Variants in P3H2 observed in about 807,000 individuals in gnomAD.
The protein encoded by P3H2 is prolyl 3-hydroxylase 2, also known as leprecan-like 1.
In P3H2, 80 loss-of-function variants were observed where a neutral mutation model predicts 87.0. That is an observed-to-expected ratio of 0.92 (90% confidence interval 0.77 to 1.11). The LOEUF (loss-of-function observed/expected upper bound fraction) is 1.11. Ranked by LOEUF, P3H2 falls within the 50% of genes least tolerant of loss-of-function variation. The pLI is 0.00. For synonymous variants in P3H2, 367 were observed against 359.3 expected (o/e 1.02, Z -0.24); for missense variants, 1,001 against 923.9 (o/e 1.08, Z -1.08).
At chr3:190,093,317 T>C (rs1727474216) in intron 1 of P3H2, among the ~76,000 whole-genome samples, 1 of 152,102 alleles carries the variant, frequency 6.6e-6, no homozygotes, top group South Asian at 2.1e-4. Context: ...AAAAGAATGA[T>C]CATCAATCCT....
rs1221458426 is a variant in P3H2, at chr3:190,120,567, G to A, written c.165C>T (p.Tyr55=). Reference sequence around the variant, plus strand: ...CCGCTCGCTCGTAGTCTCCGCTGTAGTAGGCGGCCGCGCCGCTGGCGTAGA... The same window carrying A: ...CCGCTCGCTCGTAGTCTCCGCTGTAATAGGCGGCCGCGCCGCTGGCGTAGA... ...DLLYASGAAA[Y]YSGDYERAVR... Residue 55 remains tyrosine (Y), a synonymous_variant, in exon 1 of 15, where the codon TAC becomes TAT. Transcript: ENST00000319332. 1.9e-6 allele frequency: 3 copies of A among 1,539,360 alleles called. No individual in the cohort carries two copies. The highest frequency in any genetic ancestry group is 5.1e-5 in the East Asian group (2 of 39,328).
intron 1 of P3H2, among the ~76,000 whole-genome samples, chr3:189,998,026 G>T (rs975046393): frequency 1.3e-5 from 2 of 152,150 alleles, no homozygotes; most frequent in Admixed American, 1.3e-4. Flanking sequence ...GATTTTGGAA[G>T]GATTCAACTG....
chr3:189,962,086 G>C (rs758186636), intron 14 of P3H2, among the ~76,000 whole-genome samples: 5 of 151,276 alleles, frequency 3.3e-5, no homozygotes, highest in Non-Finnish European at 7.4e-5. Flanking sequence ...GCAATTGTTT[G>C]CTGCTCCCTT....
At chr3:190,083,223 A>G (rs1375685576) in intron 1 of P3H2, among the ~76,000 whole-genome samples, 2 of 152,200 alleles carry the variant, frequency 1.3e-5, no homozygotes, top group Admixed American at 1.3e-4. Context: ...AATGCAAAAC[A>G]TCTTATTTTA....
At chr3:190,093,533 T>C (rs1727481395) in intron 1 of P3H2, among the ~76,000 whole-genome samples, 1 of 152,188 alleles carries the variant, frequency 6.6e-6, no homozygotes, top group African/African-American at 2.4e-5. Flanking sequence ...CTCACGGTTG[T>C]TGAACTCACA....
In P3H2 at chr3:190,120,831, G is replaced by T. The variant is rs1469139256; in HGVS notation, c.-100C>A. 6.9e-7 allele frequency: 1 copy of T among 1,448,888 alleles called. No homozygotes were observed. Among genetic ancestry groups the T allele is most frequent in the East Asian group, 2.8e-5 (1 of 35,472 alleles). 89.8% of individuals were successfully genotyped at this position (1,448,888 alleles called of 1,614,324 possible). A position where few individuals can be genotyped will look rare whatever the true frequency, so the allele number is the denominator to read the frequency against. ...CCACCTTCCCTCGGGGAAGCGCGCCGACTCCGCCGCGATCTGGCCGCTCCG... is the reference window on the plus strand; with the variant it reads ...CCACCTTCCCTCGGGGAAGCGCGCCTACTCCGCCGCGATCTGGCCGCTCCG... On this transcript the variant is annotated 5_prime_UTR_variant, in exon 1 of 15. Coordinates refer to ENST00000319332, the MANE Select transcript of P3H2 (RefSeq NM_018192.4).
intron 1 of P3H2, among the ~76,000 whole-genome samples, chr3:190,023,884 G>A (rs1725007243): frequency 1.3e-5 from 2 of 152,130 alleles, no homozygotes; most frequent in Non-Finnish European, 2.9e-5. Flanking sequence ...GTATTACAAA[G>A]GCAACATGAT....
intron 1 of P3H2, among the ~76,000 whole-genome samples, chr3:190,092,145 A>G (rs1289441399): frequency 6.6e-6 from 1 of 151,844 alleles, no homozygotes; most frequent in East Asian, 1.9e-4. Context: ...AGGTAGGAGA[A>G]TGGCTTGATC....
At chr3:190,059,355 G>C (rs938912940) in intron 1 of P3H2, among the ~76,000 whole-genome samples, 6 of 151,990 alleles carry the variant, frequency 3.9e-5, no homozygotes, top group Non-Finnish European at 8.8e-5. Flanking sequence ...TCATGAGTAA[G>C]AGACTCCCAG....
chr3:190,072,890 C>T (rs1292234429), intron 1 of P3H2, among the ~76,000 whole-genome samples: 1 of 152,136 alleles, frequency 6.6e-6, no homozygotes, highest in Non-Finnish European at 1.5e-5. Flanking sequence ...GTTATCTATA[C>T]TTTGCTTCTC....
intron 1 of P3H2, among the ~76,000 whole-genome samples, chr3:190,004,618 G>A (rs1484733286): frequency 1.3e-5 from 2 of 151,978 alleles, no homozygotes; most frequent in African/African-American, 2.4e-5. Context: ...TCCTGACCTT[G>A]TGATCCGCCC....
intron 1 of P3H2, among the ~76,000 whole-genome samples, chr3:190,054,215 A>T (rs976768422): frequency 6.6e-6 from 1 of 152,196 alleles, no homozygotes; most frequent in African/African-American, 2.4e-5. Context: ...ATCATCATTA[A>T]TCAGTTTAGG....
upstream of P3H2, chr3:190,121,056 G>A (rs915153236): frequency 4.0e-5 from 14 of 352,014 alleles, no homozygotes; most frequent in Middle Eastern, 7.3e-4. Flanking sequence ...AGCTAGCGCC[G>A]CTTGAGGCCG....
intron 14 of P3H2, among the ~76,000 whole-genome samples, chr3:189,958,328 C>A (rs898091187): frequency 6.6e-6 from 1 of 152,192 alleles, no homozygotes; most frequent in Non-Finnish European, 1.5e-5. Flanking sequence ...TCCCCAAGAA[C>A]CTGCTCTGTT....
At position 189,971,042 on chromosome 3, in the gene P3H2, A is replaced by T. The variant is rs575187180; in HGVS notation, c.1818-151T>A. 3 of 609,436 alleles carry T rather than the reference A, an allele frequency of 4.9e-6. No individual in the cohort carries two copies. The South Asian group carries it at 6.5e-5, about 13-fold the overall frequency. The allele number at this position is 609,436 out of a possible 1,614,324, so 37.8% of individuals were successfully genotyped here. ...ATATAATTGGTCCTCCAAACTCTTA[A>T]AGAGAAGATCAGATAGAGTTTGAGT... On this transcript the variant is annotated intron_variant, in intron 12 of 14. Coordinates refer to ENST00000319332, the MANE Select transcript of P3H2 (RefSeq NM_018192.4).
chr3:190,100,750 C>T (rs1205155708), intron 1 of P3H2, among the ~76,000 whole-genome samples: 1 of 152,116 alleles, frequency 6.6e-6, no homozygotes, highest in Non-Finnish European at 1.5e-5. Flanking sequence ...TCTGTCTTTA[C>T]AAAACTATGA....
intron 14 of P3H2, among the ~76,000 whole-genome samples, chr3:189,961,820 A>G (rs955620271): frequency 5.3e-5 from 8 of 152,346 alleles, no homozygotes; most frequent in Middle Eastern, 3.4e-3. Flanking sequence ...ATTACAAAGG[A>G]GCAAAGAGAA....
At chr3:189,966,226 G>T (rs1463946080) in intron 13 of P3H2, among the ~76,000 whole-genome samples, 4 of 152,076 alleles carry the variant, frequency 2.6e-5, no homozygotes, top group Admixed American at 1.3e-4. Flanking sequence ...TGGGATGTTG[G>T]AATTTCAGGT....
intron 1 of P3H2, among the ~76,000 whole-genome samples, chr3:190,076,638 A>G (rs951587398): frequency 6.6e-6 from 1 of 152,212 alleles, no homozygotes; most frequent in African/African-American, 2.4e-5. Context: ...AATATTTTAT[A>G]AGGTATTATA....
Sources: gnomAD v4.1 joint callset for allele counts (sites outside exome capture counted in the v4.1 genomes callset) on GRCh38, gnomAD v4.1.1 for gene constraint, MANE v1.5 for transcripts, NCBI Gene and HGNC (gene_info 2026-07-23, HGNC 2026-07-21) for gene names.